Variants in CTDSPL observed in about 807,000 individuals in gnomAD.
The protein encoded by CTDSPL is CTD small phosphatase-like protein.
CTDSPL carries 8 observed loss-of-function variants against 30.5 expected under a neutral mutation model. The observed-to-expected ratio is 0.26, with a 90% CI of 0.15 to 0.47. The LOEUF is 0.47. Among genes scored for constraint, CTDSPL ranks in the 20% least tolerant of loss-of-function variants. CTDSPL has a pLI of 0.99. For missense variants in CTDSPL, 248 were observed against 366.1 expected (o/e 0.68, Z 2.63); for synonymous variants, 110 against 137.9 (o/e 0.80, Z 1.42).
At chr3:37,903,166 A>G (rs1698471933) in intron 1 of CTDSPL, among the ~76,000 whole-genome samples, 1 of 152,164 alleles carries the variant, frequency 6.6e-6, no homozygotes, top group Non-Finnish European at 1.5e-5. Context: ...GCGTTCTATG[A>G]AAAGATGGAG....
intron 2 of CTDSPL, among the ~76,000 whole-genome samples, chr3:37,949,982 C>T (rs776628937): frequency 3.3e-5 from 5 of 152,204 alleles, no homozygotes; most frequent in Non-Finnish European, 5.9e-5. Flanking sequence ...GACAAACACT[C>T]GAATGTATAG....
Position 37,947,060 on chromosome 3 carries a change from C to T in CTDSPL, c.83C>T (p.Ser28Phe). The T allele has an allele frequency of 6.2e-7, 1 of 1,613,138 alleles. No individual in the cohort carries two copies. Among genetic ancestry groups the T allele is most frequent in the African/African-American group, 1.3e-5 (1 of 75,038 alleles). ...GRLPGAGEKA[S>F]QCNVSLKKQR... ...TGTGCTCTGTTTCTGTTTCCAGCCT[C>T]CCAGTGCAACGTCAGCTTAAAGAAG... The change falls in exon 2 of 8, where the codon TCC becomes TTC. Residue 28 changes from serine (S) to phenylalanine (F), a missense_variant. By Grantham distance (155) the Ser-to-Phe change is radical. This residue lies in a region of CTDSPL where 118 missense variants were observed against 124.7 expected (regional missense o/e 0.95). Transcript: ENST00000273179.
rs531105078 is a variant in CTDSPL at position 37,876,673 on chromosome 3, T to G, written c.79+14395T>G. On this transcript the variant is annotated intron_variant, in intron 1 of 7. Coordinates refer to ENST00000273179, the MANE Select transcript of CTDSPL (RefSeq NM_001008392.2). ...AAAACTGAATTGTTTGAGTGCTTAT[T>G]ATTGTGGGTTTTTAATGTAATTCTG... Among the ~76,000 whole-genome samples, 6 of 152,322 alleles carry G rather than the reference T, an allele frequency of 3.9e-5. No homozygotes were observed. The East Asian group carries it at 1.2e-3, about 29-fold the overall frequency.
rs1157476899 is a variant in CTDSPL, at chr3:37,909,752, A to G, written c.80-37305A>G. ...GTGATCACGAGGCTGTGTGACCTTG[A>G]GCTCTGGGCCATAAGGCCAAGTCCC... On this transcript the variant is annotated intron_variant, in intron 1 of 7. Coordinates refer to ENST00000273179, the MANE Select transcript of CTDSPL (RefSeq NM_001008392.2). Among the ~76,000 whole-genome samples, 15 of 152,338 alleles carry G rather than the reference A, an allele frequency of 9.8e-5. No homozygotes were observed. In the East Asian group the frequency reaches 2.7e-3, roughly 27 times the overall value.
chr3:37,931,535 T>A (rs1411645689), intron 1 of CTDSPL, among the ~76,000 whole-genome samples: 1 of 152,204 alleles, frequency 6.6e-6, no homozygotes, highest in African/African-American at 2.4e-5. Context: ...GACTTACTAT[T>A]GCCATTTTGT....
chr3:37,913,903 G>A (rs1236350639), intron 1 of CTDSPL, among the ~76,000 whole-genome samples: 1 of 152,130 alleles, frequency 6.6e-6, no homozygotes, highest in Non-Finnish European at 1.5e-5. Context: ...TCTATTATTG[G>A]TCTTTTGCAT....
At chr3:37,966,087 T>G (rs1699295968) in intron 4 of CTDSPL, among the ~76,000 whole-genome samples, 1 of 152,156 alleles carries the variant, frequency 6.6e-6, no homozygotes, top group Non-Finnish European at 1.5e-5. Flanking sequence ...CCCAAGCAAC[T>G]GTGGGAGTGT....
intron 7 of CTDSPL, among the ~76,000 whole-genome samples, chr3:37,978,043 A>G (rs1575327058): frequency 6.6e-6 from 1 of 152,242 alleles, no homozygotes; most frequent in African/African-American, 2.4e-5. Flanking sequence ...TGATCCATCT[A>G]TTATAAAATT....
At chr3:37,958,985 A>C (rs1699206345) in intron 3 of CTDSPL, among the ~76,000 whole-genome samples, 2 of 152,184 alleles carry the variant, frequency 1.3e-5, no homozygotes, top group Admixed American at 6.5e-5. Flanking sequence ...CAGGTTGCAT[A>C]AGCAGCGTGG....
At chr3:37,865,782 C>T (rs921374070) in intron 1 of CTDSPL, among the ~76,000 whole-genome samples, 11 of 152,240 alleles carry the variant, frequency 7.2e-5, no homozygotes, top group Admixed American at 5.9e-4. Context: ...CTTGTGTATT[C>T]CTTTTACCTG....
At chr3:37,887,997 C>A (rs994160164) in intron 1 of CTDSPL, among the ~76,000 whole-genome samples, 1 of 152,148 alleles carries the variant, frequency 6.6e-6, no homozygotes, top group Non-Finnish European at 1.5e-5. Context: ...GCTGCAACCA[C>A]GCAGATGAGC....
chr3:37,931,330 T>A (rs2125615311), intron 1 of CTDSPL, among the ~76,000 whole-genome samples: 1 of 152,060 alleles, frequency 6.6e-6, no homozygotes, highest in East Asian at 1.9e-4. Flanking sequence ...TTAGTTTTTT[T>A]AAAAGATGGG....
At position 37,974,924 on chromosome 3, in the gene CTDSPL, T is replaced by C. The variant is rs374579910; in HGVS notation, c.520-785T>C. On this transcript the variant is annotated intron_variant, in intron 6 of 7. Coordinates refer to ENST00000273179, the MANE Select transcript of CTDSPL (RefSeq NM_001008392.2). ...TGAGCCCCTCTTGTGGTAGATACTC[T>C]GGGAGGTGCTAGGGATGTGGTGGTG... 7.9e-5 allele frequency among the ~76,000 whole-genome samples: 12 copies of C among 152,306 alleles called. No individual in the cohort carries two copies. In the East Asian group the frequency reaches 1.5e-3, roughly 20 times the overall value.
chr3:37,981,131 A>T lies in CTDSPL; in HGVS notation c.*264A>T. ...ACATACCAAAAAAGAAAAAAATAGAAAAAAAAAAAAAAAAAGCTTGATCTC... is the reference window on the plus strand; with the variant it reads ...ACATACCAAAAAAGAAAAAAATAGATAAAAAAAAAAAAAAAGCTTGATCTC... On this transcript the variant is annotated 3_prime_UTR_variant, in exon 8 of 8. Coordinates refer to ENST00000273179, the MANE Select transcript of CTDSPL (RefSeq NM_001008392.2). 5.3e-6 allele frequency: 1 copy of T among 190,072 alleles called. No homozygotes were observed. 11.8% of individuals were successfully genotyped at this position (190,072 alleles called of 1,614,324 possible).
At chr3:37,872,318 G>A (rs1196200050) in intron 1 of CTDSPL, among the ~76,000 whole-genome samples, 3 of 151,664 alleles carry the variant, frequency 2.0e-5, no homozygotes, top group Non-Finnish European at 2.9e-5. Flanking sequence ...TGTTGGGTTG[G>A]CATTTATTGT....
chr3:37,878,258 A>T (rs1698161412), intron 1 of CTDSPL, among the ~76,000 whole-genome samples: 1 of 152,118 alleles, frequency 6.6e-6, no homozygotes, highest in Non-Finnish European at 1.5e-5. Context: ...TACCTGAGAA[A>T]TCTTTGTGAA....
chr3:37,873,607 T>C (rs1448542738), intron 1 of CTDSPL, among the ~76,000 whole-genome samples: 7 of 152,236 alleles, frequency 4.6e-5, no homozygotes, highest in Non-Finnish European at 1.0e-4. Context: ...GGAAGACGTA[T>C]GTCTACTCCA....
At chr3:37,980,102 A>T (rs975540833) in intron 7 of CTDSPL, among the ~76,000 whole-genome samples, 1 of 152,082 alleles carries the variant, frequency 6.6e-6, no homozygotes, top group Non-Finnish European at 1.5e-5. Context: ...GGTTTATTCA[A>T]ATTTGTTTAT....
At position 37,870,756 on chromosome 3, in the gene CTDSPL, A is replaced by G. The variant is rs561389867; in HGVS notation, c.79+8478A>G. ...GTCCCACGAATTTTGATATTTTGCA[A>G]TTTTGGTTTTCATTCAGTTCAATAC... On this transcript the variant is annotated intron_variant, in intron 1 of 7. Coordinates refer to ENST00000273179, the MANE Select transcript of CTDSPL (RefSeq NM_001008392.2). 1.3e-5 allele frequency among the ~76,000 whole-genome samples: 2 copies of G among 152,204 alleles called. 1 individual carries two copies. Among genetic ancestry groups the G allele is most frequent in the South Asian group, 4.2e-4 (2 of 4,818 alleles).
Sources: gnomAD v4.1 joint callset for allele counts (sites outside exome capture counted in the v4.1 genomes callset) on GRCh38, gnomAD v4.1.1 for gene constraint, gnomAD v4.1.1 regional missense constraint, MANE v1.5 for transcripts, NCBI Gene and HGNC (gene_info 2026-07-23, HGNC 2026-07-21) for gene names.